The following MPDZ variants were observed in gnomAD, a reference collection of about 807,000 sequenced individuals.
MPDZ encodes multiple PDZ domain protein.
Under a neutral mutation model 239.1 loss-of-function variants are expected in MPDZ, and 234 were observed. The observed-to-expected ratio is 0.98, with a 90% CI of 0.88 to 1.09. The LOEUF (loss-of-function observed/expected upper bound fraction) is 1.09. MPDZ is among the 50% of genes least tolerant of loss of function. The pLI is 0.00. For missense variants in MPDZ, 3,175 were observed against 2,510.0 expected (o/e 1.26, Z -5.66); for synonymous variants, 1,048 against 881.3 (o/e 1.19, Z -3.35).
At chr9:13,199,580 A>G (rs1374180174) in intron 12 of MPDZ, among the ~76,000 whole-genome samples, 1 of 152,002 alleles carries the variant, frequency 6.6e-6, no homozygotes, top group Non-Finnish European at 1.5e-5. Flanking sequence ...GTCTTGTTCC[A>G]GATCTTAGAG....
At chr9:13,137,847 A>C in intron 29 of MPDZ, 110 bp downstream of exon 29, 1 of 1,130,630 alleles carries the variant, frequency 8.8e-7, no homozygotes, top group Non-Finnish European at 1.2e-6. Context: ...TTTATTAAGC[A>C]AGCAATGGCT....
At chr9:13,146,035 T>C (rs1050418781) in intron 26 of MPDZ, among the ~76,000 whole-genome samples, 7 of 152,036 alleles carry the variant, frequency 4.6e-5, no homozygotes, top group Admixed American at 2.6e-4. Context: ...TGGGAATAAA[T>C]GTAAAAGGAT....
Position 13,106,894 on chromosome 9 carries a change from C to T in MPDZ, c.*71G>A. 6.6e-7 allele frequency: 1 copy of T among 1,515,450 alleles called. No individual in the cohort carries two copies. The highest frequency in any genetic ancestry group is 2.3e-5 in the East Asian group (1 of 43,720). The allele number at this position is 1,515,450 out of a possible 1,614,324, so 93.9% of individuals were successfully genotyped here. The stretch of plus-strand genomic sequence containing the variant: ...CGGCTGAACACAGCATAAAAATTGT[C>T]AGGACCAGTGCATTCTCTTTACAGT... On this transcript the variant is annotated 3_prime_UTR_variant, in exon 47 of 47. Coordinates refer to ENST00000319217, the MANE Select transcript of MPDZ (RefSeq NM_001378778.1).
At chr9:13,195,359 G>A (rs1294835035) in intron 13 of MPDZ, among the ~76,000 whole-genome samples, 1 of 149,992 alleles carries the variant, frequency 6.7e-6, no homozygotes, top group Non-Finnish European at 1.5e-5. Context: ...GAACACTACT[G>A]CTTGGCACAA....
intron 8 of MPDZ, among the ~76,000 whole-genome samples, chr9:13,218,179 T>C (rs1958613396): frequency 6.6e-6 from 1 of 151,850 alleles, no homozygotes; most frequent in Admixed American, 6.6e-5. Flanking sequence ...TACAGTAAAG[T>C]TTGATTTATT....
chr9:13,270,999 G>C (rs1486574217), intron 1 of MPDZ, among the ~76,000 whole-genome samples: 2 of 152,094 alleles, frequency 1.3e-5, no homozygotes, highest in African/African-American at 4.8e-5. Context: ...TCAAAATAAA[G>C]CATTGGGTTC....
intron 27 of MPDZ, 101 bp from the exon 28 acceptor site, chr9:13,140,250 A>G (rs565303971): frequency 9.0e-7 from 1 of 1,112,732 alleles, no homozygotes; most frequent in South Asian, 1.8e-5. Context: ...GACTGGCTTT[A>G]AAATATCTAA....
At chr9:13,143,870 G>A (rs1948082629) in intron 26 of MPDZ, among the ~76,000 whole-genome samples, 1 of 151,946 alleles carries the variant, frequency 6.6e-6, no homozygotes, top group Non-Finnish European at 1.5e-5. Context: ...CATATATTTT[G>A]CCCATCTTAT....
chr9:13,196,045 G>A (rs1008484256), intron 13 of MPDZ, 76 bp downstream of exon 13: 96 of 882,378 alleles, frequency 1.1e-4, no homozygotes, highest in Non-Finnish European at 1.4e-4. Context: ...TCTAATGATT[G>A]CCTCTATTAT....
chr9:13,273,352 T>G (rs1973452516), intron 1 of MPDZ, among the ~76,000 whole-genome samples: 1 of 152,232 alleles, frequency 6.6e-6, no homozygotes, highest in African/African-American at 2.4e-5. Context: ...ATCATGGTTT[T>G]GTTACGTTAG....
intron 10 of MPDZ, among the ~76,000 whole-genome samples, chr9:13,214,708 G>C (rs1213745899): frequency 6.6e-6 from 1 of 152,016 alleles, no homozygotes; most frequent in Non-Finnish European, 1.5e-5. Context: ...GACTCCGTAT[G>C]TATTCCTTCT....
intron 19 of MPDZ, among the ~76,000 whole-genome samples, chr9:13,181,433 A>C (rs915026513): frequency 3.3e-5 from 5 of 152,298 alleles, no homozygotes; most frequent in Admixed American, 3.3e-4. Context: ...TAGGTATTAG[A>C]AAGTTGTCAC....
At chr9:13,152,467 G>A (rs980100235) in intron 24 of MPDZ, among the ~76,000 whole-genome samples, 6 of 152,044 alleles carry the variant, frequency 3.9e-5, no homozygotes, top group Admixed American at 2.0e-4. Context: ...TTTATAAAGG[G>A]GAGTTTCCCA....
At chr9:13,182,680 T>C (rs1446364079) in intron 19 of MPDZ, among the ~76,000 whole-genome samples, 1 of 152,110 alleles carries the variant, frequency 6.6e-6, no homozygotes, top group Non-Finnish European at 1.5e-5. Flanking sequence ...AAAACATTCA[T>C]TCTCATTAGT....
At chr9:13,278,266 G>A (rs1974696933) in intron 1 of MPDZ, among the ~76,000 whole-genome samples, 1 of 152,094 alleles carries the variant, frequency 6.6e-6, no homozygotes, top group Non-Finnish European at 1.5e-5. Context: ...GGAAACACTA[G>A]CCTCCAACCG....
In MPDZ at chr9:13,109,872, A is replaced by G. The variant is rs1287293583; in HGVS notation, c.5942+80T>C. On this transcript the variant is annotated intron_variant, in intron 45 of 46. Coordinates refer to ENST00000319217, the MANE Select transcript of MPDZ (RefSeq NM_001378778.1). ...TTACCTGTACGTAATTCCTAGAAAC[A>G]TGGGACAGAGAACGCAACTGTCAGG... The G allele has an allele frequency of 5.5e-6, 6 of 1,082,672 alleles. No homozygotes were observed. In the Admixed American group the frequency reaches 1.2e-4, roughly 21 times the overall value. 67.1% of individuals were successfully genotyped at this position (1,082,672 alleles called of 1,614,324 possible). A position where few individuals can be genotyped will look rare whatever the true frequency, so the allele number is the denominator to read the frequency against.
At chr9:13,227,700 A>G (rs1961078650) in intron 3 of MPDZ, among the ~76,000 whole-genome samples, 1 of 152,272 alleles carries the variant, frequency 6.6e-6, no homozygotes, top group Admixed American at 6.6e-5. Flanking sequence ...GTAAAATATT[A>G]CAAAATGAGA....
At chr9:13,172,446 G>A (rs1054276997) in intron 21 of MPDZ, among the ~76,000 whole-genome samples, 2 of 149,752 alleles carry the variant, frequency 1.3e-5, no homozygotes, top group South Asian at 4.2e-4. Flanking sequence ...GTAGTGGCAC[G>A]ATCTCGGCTC....
rs964928778 is a variant in MPDZ, at chr9:13,275,633, G to A, written c.-58+3767C>T. ...AGGTAATGGCTACAAACGTTTTAGG[G>A]TGCATGTTAGAAAAAGCCCAGATTG... On this transcript the variant is annotated intron_variant, in intron 1 of 46. Coordinates refer to ENST00000319217, the MANE Select transcript of MPDZ (RefSeq NM_001378778.1). Among the ~76,000 whole-genome samples, 3 of 152,144 alleles carry A rather than the reference G, an allele frequency of 2.0e-5. No individual in the cohort carries two copies. In the East Asian group the frequency reaches 5.8e-4, roughly 29 times the overall value.
Sources: gnomAD v4.1 joint callset for allele counts (sites outside exome capture counted in the v4.1 genomes callset) on GRCh38, gnomAD v4.1.1 for gene constraint, MANE v1.5 for transcripts, NCBI Gene and HGNC (gene_info 2026-07-23, HGNC 2026-07-21) for gene names.